Variants in RABGAP1L observed in about 807,000 individuals in gnomAD.
RABGAP1L encodes rab GTPase-activating protein 1-like.
RABGAP1L carries 63 observed loss-of-function variants against 137.7 expected under a neutral mutation model. That is an observed-to-expected ratio of 0.46 (90% CI 0.37 to 0.56). The LOEUF (loss-of-function observed/expected upper bound fraction) is 0.56, where lower values mean the gene tolerates loss of function less well. Ranked by LOEUF, RABGAP1L falls within the 20% of genes least tolerant of loss-of-function variation. RABGAP1L has a pLI of 0.00. For missense variants in RABGAP1L, 1,095 were observed against 1,244.0 expected, an observed-to-expected ratio of 0.88 and a Z score of 1.80; for synonymous variants, 431 against 433.7, an observed-to-expected ratio of 0.99 and a Z score of 0.08.
chr1:174,763,228 A>G (rs951879765), intron 18 of RABGAP1L, among the ~76,000 whole-genome samples: 7 of 152,108 alleles, frequency 4.6e-5, no homozygotes, highest in Non-Finnish European at 7.4e-5. Context: ...TTAAAAATGT[A>G]CAATTAGTGG....
At chr1:174,360,765 A>G (rs1684068494) in intron 11 of RABGAP1L, among the ~76,000 whole-genome samples, 1 of 152,116 alleles carries the variant, frequency 6.6e-6, no homozygotes, top group African/African-American at 2.4e-5. Context: ...TAAATTCTTG[A>G]TTTTTAATTA....
At chr1:174,829,756 A>G in intron 19 of RABGAP1L, among the ~76,000 whole-genome samples, 1 of 148,724 alleles carries the variant, frequency 6.7e-6, no homozygotes, top group African/African-American at 2.4e-5. Context: ...ATCACAAATG[A>G]TAGACTAGTT....
chr1:174,272,447 C>T lies in RABGAP1L; in HGVS notation c.1020C>T (p.Asn340=), dbSNP rs1265572545. The T allele has an allele frequency of 8.1e-6, 13 of 1,601,598 alleles. No homozygotes were observed. The highest frequency in any genetic ancestry group is 2.3e-5 in the South Asian group (2 of 88,284). Residue 340 remains asparagine, a synonymous_variant, in exon 8 of 26, where the codon AAC becomes AAT. Coordinates refer to ENST00000681986, the MANE Select transcript of RABGAP1L (RefSeq NM_001366446.1). ...CFGMLLSPGR[N]VKNSDMHLLD... ...GAATGTTATTAAGCCCAGGTCGAAA[C>T]GTGAAGAACAGTGACATGCATTTAC...
In RABGAP1L at chr1:174,231,127, C is replaced by CT. The variant is rs767772793; in HGVS notation, c.332-11dup. 12 of 1,572,622 alleles carry CT rather than the reference C, an allele frequency of 7.6e-6. No individual in the cohort carries two copies. The highest frequency in any genetic ancestry group is 1.7e-5 in the Admixed American group (1 of 59,002). On this transcript the variant is annotated splice_polypyrimidine_tract_variant and intron_variant, in intron 3 of 25. Transcript: ENST00000681986. ...GTTTTGCAATGACTTTTGAGTGTTT[C>CT]TTTTTTTGTTTCTTCAGAAATTTCT...
chr1:174,732,220 T>C (rs1436832938), intron 17 of RABGAP1L, among the ~76,000 whole-genome samples: 2 of 148,952 alleles, frequency 1.3e-5, no homozygotes. Context: ...AAAACATGGA[T>C]TGTTAGACTT....
chr1:174,679,860 A>G (rs540209406), intron 14 of RABGAP1L, among the ~76,000 whole-genome samples: 1 of 152,344 alleles, frequency 6.6e-6, no homozygotes, highest in African/African-American at 2.4e-5. Flanking sequence ...CAAGGAATCT[A>G]GAATAAACTC....
chr1:174,789,466 A>G (rs1353250089), intron 18 of RABGAP1L, among the ~76,000 whole-genome samples: 2 of 152,080 alleles, frequency 1.3e-5, no homozygotes, highest in Non-Finnish European at 2.9e-5. Context: ...TTTTTTACAG[A>G]GTTTCTTTAC....
intron 14 of RABGAP1L, among the ~76,000 whole-genome samples, chr1:174,646,159 G>A (rs1419554289): frequency 1.3e-5 from 2 of 152,054 alleles, no homozygotes; most frequent in Non-Finnish European, 2.9e-5. Flanking sequence ...CCATTCTGTA[G>A]GTTACCTGTT....
rs181027817 is a variant in RABGAP1L, at chr1:174,576,679, G to C, written c.1711-60696G>C. 5.8e-4 allele frequency among the ~76,000 whole-genome samples: 88 copies of C among 152,190 alleles called. 1 individual carries two copies. The East Asian group carries it at 0.016, about 28-fold the overall frequency. On this transcript the variant is annotated intron_variant, in intron 13 of 25. Transcript: ENST00000681986. ...TTTATGCTGTTTATGTTTAAGTATGGTTCCCTGAGAGCTCACCTGATATAT... is the reference window on the plus strand; with the variant it reads ...TTTATGCTGTTTATGTTTAAGTATGCTTCCCTGAGAGCTCACCTGATATAT...
At chr1:174,271,527 A>G (rs147804583) in intron 7 of RABGAP1L, among the ~76,000 whole-genome samples, 3 of 152,248 alleles carry the variant, frequency 2.0e-5, no homozygotes, top group African/African-American at 7.2e-5. Flanking sequence ...GTGTGTGGGT[A>G]TGTGTTGTTG....
intron 19 of RABGAP1L, among the ~76,000 whole-genome samples, chr1:174,940,585 C>T (rs1008589562): frequency 1.3e-5 from 2 of 152,132 alleles, no homozygotes; most frequent in African/African-American, 4.8e-5. Context: ...ACCCTTTCTT[C>T]TTTTCTTTAT....
At chr1:174,204,675 T>C (rs373972863) in intron 1 of RABGAP1L, among the ~76,000 whole-genome samples, 2 of 152,300 alleles carry the variant, frequency 1.3e-5, no homozygotes, top group South Asian at 2.1e-4. Context: ...ACATCTCATA[T>C]TGAATTGTAA....
intron 12 of RABGAP1L, among the ~76,000 whole-genome samples, chr1:174,391,930 A>G (rs1252419662): frequency 6.6e-6 from 1 of 152,182 alleles, no homozygotes; most frequent in African/African-American, 2.4e-5. Context: ...CCTATTCAAC[A>G]GTATAATCAC....
intron 19 of RABGAP1L, among the ~76,000 whole-genome samples, chr1:174,906,842 T>C (rs1303233230): frequency 6.6e-6 from 1 of 151,254 alleles, no homozygotes; most frequent in Non-Finnish European, 1.5e-5. Context: ...AATAGACTTC[T>C]GAATGGAAAA....
At position 174,360,432 on chromosome 1, in the gene RABGAP1L, T is replaced by A. The variant is rs960044498; in HGVS notation, c.1466-10547T>A. ...TTGGCATTATTTCTTACAGTTTTTT[T>A]AAAAAGATCTGTATAGTCATAAAAG... On this transcript the variant is annotated intron_variant, in intron 11 of 25. Coordinates refer to ENST00000681986, the MANE Select transcript of RABGAP1L (RefSeq NM_001366446.1). Among the ~76,000 whole-genome samples, 23 of 152,272 alleles carry A rather than the reference T, an allele frequency of 1.5e-4. 2 individuals are homozygous for A. The highest frequency in any genetic ancestry group is 7.8e-4 in the Admixed American group (12 of 15,296).
chr1:174,971,457 A>G (rs1354439566), intron 21 of RABGAP1L, among the ~76,000 whole-genome samples: 3 of 152,114 alleles, frequency 2.0e-5, no homozygotes, highest in Non-Finnish European at 4.4e-5. Flanking sequence ...CCTGAAGAAA[A>G]GGTTCCATCA....
chr1:174,502,769 T>C (rs1661442093), intron 13 of RABGAP1L, among the ~76,000 whole-genome samples: 1 of 151,782 alleles, frequency 6.6e-6, no homozygotes, highest in South Asian at 2.1e-4. Flanking sequence ...AGAAATTCTT[T>C]CAGAGAATAT....
intron 17 of RABGAP1L, among the ~76,000 whole-genome samples, chr1:174,738,337 G>A (rs1480188521): frequency 6.6e-6 from 1 of 152,164 alleles, no homozygotes; most frequent in Non-Finnish European, 1.5e-5. Context: ...GTAGAAGCAG[G>A]AATGGTGGAA....
At chr1:174,342,298 A>G (rs1177376863) in intron 11 of RABGAP1L, among the ~76,000 whole-genome samples, 1 of 152,142 alleles carries the variant, frequency 6.6e-6, no homozygotes, top group Non-Finnish European at 1.5e-5. Context: ...TGCAATAGAA[A>G]ATCCCCAAGT....
Sources: allele counts gnomAD v4.1 joint callset (sites outside exome capture counted in the v4.1 genomes callset), GRCh38; gene constraint gnomAD v4.1.1; transcripts MANE v1.5; gene names NCBI Gene and HGNC (gene_info 2026-07-23, HGNC 2026-07-21).